PAAF1: variants seen among roughly 807,000 people sequenced by gnomAD.
PAAF1 encodes proteasomal ATPase-associated factor 1.
In PAAF1, 46 loss-of-function variants were observed where a neutral mutation model predicts 52.8. The observed-to-expected ratio is 0.87, with a 90% CI of 0.69 to 1.11. The LOEUF is 1.11. Ranked by LOEUF, PAAF1 falls within the 50% of genes most tolerant of loss-of-function variation. PAAF1 has a pLI of 0.00. For synonymous variants in PAAF1, 178 were observed against 172.8 expected, an observed-to-expected ratio of 1.03 and a Z score of -0.24; for missense variants, 424 against 477.4, an observed-to-expected ratio of 0.89 and a Z score of 1.04.
intron 2 of PAAF1, among the ~76,000 whole-genome samples, chr11:73,881,537 C>T (rs1948908034): frequency 1.3e-5 from 2 of 152,148 alleles, no homozygotes; most frequent in South Asian, 4.2e-4. Context: ...ATCCGCCCGC[C>T]TTGGCCTCCC....
rs1440620782 is a variant in PAAF1, at chr11:73,931,061, ATT to A, written c.*3700_*3701del. The A allele has an allele frequency of 1.3e-5, 2 of 152,158 alleles. No homozygotes were observed. Among genetic ancestry groups the A allele is most frequent in the East Asian group, 3.8e-4 (2 of 5,200 alleles). 9.4% of individuals were successfully genotyped at this position (152,158 alleles called of 1,614,324 possible). ...TCACAATAGGACTTTGTGGCCCATA[ATT>A]ATAAACAAGTATAAATTGTCCATTT... On this transcript the variant is annotated 3_prime_UTR_variant, in exon 12 of 12. Transcript: ENST00000310571.
intron 3 of PAAF1, among the ~76,000 whole-genome samples, chr11:73,890,208 A>G (rs1355951358): frequency 6.6e-6 from 1 of 152,192 alleles, no homozygotes; most frequent in Non-Finnish European, 1.5e-5. Context: ...TATGCTGGTT[A>G]GAGTAAGGGA....
intron 5 of PAAF1, among the ~76,000 whole-genome samples, 164 bp downstream of exon 5, chr11:73,899,408 C>CTTTTTTTTTTTT: frequency 9.9e-6 from 1 of 101,218 alleles, no homozygotes; most frequent in Non-Finnish European, 2.0e-5. Context: ...TTCTTTTTCT[C>CTTTTTTTTTTTT]TTTTTTTTTT....
At chr11:73,910,317 C>T (rs1236499186) in intron 7 of PAAF1, among the ~76,000 whole-genome samples, 1 of 152,112 alleles carries the variant, frequency 6.6e-6, no homozygotes, top group African/African-American at 2.4e-5. Flanking sequence ...AAGAAGTTGG[C>T]TTGAACCTTT....
Position 73,918,935 on chromosome 11 carries a change from TTCTCTGAA to T in PAAF1, c.936-12_936-5del. On this transcript the variant is annotated splice_polypyrimidine_tract_variant and splice_region_variant and intron_variant, in intron 9 of 11. Transcript: ENST00000310571. ...GAAGAAAGAAAGTAAAATTTCCCCT[TTCTCTGAA>T]TCCTAGGGCTCCGGTACAAGTCATC... The T allele has an allele frequency of 6.2e-7, 1 of 1,609,812 alleles. No individual in the cohort carries two copies.
In PAAF1 at chr11:73,898,222, GA is replaced by G. The variant is rs1186958077; in HGVS notation, c.283-923del. 4.8e-5 allele frequency among the ~76,000 whole-genome samples: 5 copies of G among 103,294 alleles called. No homozygotes were observed. The East Asian group carries it at 1.8e-3, about 37-fold the overall frequency. 67.8% of individuals were successfully genotyped at this position (103,294 alleles called of 152,430 possible). ...AGGGAGGGGGAGGGGAAGGGGGAGG[GA>G]GAGGGAGAGGGAGAGGGAGAGGGAG... On this transcript the variant is annotated intron_variant, in intron 4 of 11. Coordinates refer to ENST00000310571, the MANE Select transcript of PAAF1 (RefSeq NM_025155.3).
chr11:73,900,536 C>T (rs1272856683), intron 6 of PAAF1, 116 bp downstream of exon 6: 1 of 1,200,940 alleles, frequency 8.3e-7, no homozygotes, highest in Non-Finnish European at 1.1e-6. Context: ...TCCAGCTGGG[C>T]ATTTAGATGA....
intron 11 of PAAF1, among the ~76,000 whole-genome samples, chr11:73,926,367 GGATTACA>G (rs1950357976): frequency 1.3e-5 from 2 of 152,112 alleles, no homozygotes; most frequent in Non-Finnish European, 2.9e-5. Context: ...CAAAGTGCTC[GGATTACA>G]GGCGTGAGCC....
chr11:73,898,217 GGAGGGA>G (rs751469770), intron 4 of PAAF1, among the ~76,000 whole-genome samples: 14,513 of 133,730 alleles, frequency 0.11, 1,116 homozygotes, highest in East Asian at 0.15. Flanking sequence ...AGGGGAAGGG[GGAGGGA>G]GAGGGAGAGG....
At chr11:73,902,653 A>G (rs1005798321) in intron 6 of PAAF1, among the ~76,000 whole-genome samples, 3 of 140,908 alleles carry the variant, frequency 2.1e-5, no homozygotes, top group Non-Finnish European at 4.6e-5. Flanking sequence ...AAGAATATGT[A>G]TGGACCTTTA....
chr11:73,876,909 T>G, upstream of PAAF1: 1 of 1,107,608 alleles, frequency 9.0e-7, no homozygotes, highest in Non-Finnish European at 1.2e-6. Context: ...AAAAGTCACG[T>G]TTTCATTGGT....
intron 9 of PAAF1, 151 bp downstream of exon 9, chr11:73,916,811 T>C (rs1950077298): frequency 2.0e-6 from 1 of 508,960 alleles, no homozygotes; most frequent in East Asian, 3.1e-5. Flanking sequence ...AATTTTCTGA[T>C]TTTTCTTATT....
chr11:73,929,534 CTG>C lies in PAAF1; in HGVS notation c.*2173_*2174del, dbSNP rs1950426815. On this transcript the variant is annotated 3_prime_UTR_variant, in exon 12 of 12. Transcript: ENST00000310571. ...TATTTGTTTTATTCCGATAAGGAAA[CTG>C]AGACTCAATACATTAAATACCAGAG... 6.6e-6 allele frequency: 1 copy of C among 152,120 alleles called. No individual in the cohort carries two copies. Among genetic ancestry groups the C allele is most frequent in the Admixed American group, 6.6e-5 (1 of 15,262 alleles). 9.4% of individuals were successfully genotyped at this position (152,120 alleles called of 1,614,324 possible).
At chr11:73,904,809 T>C (rs1319847397) in intron 6 of PAAF1, among the ~76,000 whole-genome samples, 2 of 152,258 alleles carry the variant, frequency 1.3e-5, no homozygotes, top group African/African-American at 2.4e-5. Context: ...CAAATATTTA[T>C]TTCAGGAATA....
rs376566257 is a variant in PAAF1, at chr11:73,891,202, G to A, written c.282+1G>A. 15 of 1,513,796 alleles carry A rather than the reference G, an allele frequency of 9.9e-6. No homozygotes were observed. In the Admixed American group the frequency reaches 1.8e-4, roughly 18 times the overall value. The allele number at this position is 1,513,796 out of a possible 1,614,324, so 93.8% of individuals were successfully genotyped here. On this transcript the variant is annotated splice_donor_variant, in intron 4 of 11. Coordinates refer to ENST00000310571, the MANE Select transcript of PAAF1 (RefSeq NM_025155.3). LOFTEE classifies it high-confidence loss of function. ...TTTTTCCAGAATTCATACAAAGAGT[G>A]TAAGTATTTTGATAAAATGAAGAGA...
intron 10 of PAAF1, among the ~76,000 whole-genome samples, chr11:73,923,732 TA>T (rs1384500379): frequency 1.3e-5 from 2 of 152,080 alleles, no homozygotes; most frequent in Non-Finnish European, 2.9e-5. Flanking sequence ...ACTTTTATAT[TA>T]ACAAAAAGAA....
At chr11:73,893,931 C>T (rs1017834490) in intron 4 of PAAF1, among the ~76,000 whole-genome samples, 1 of 151,796 alleles carries the variant, frequency 6.6e-6, no homozygotes, top group African/African-American at 2.4e-5. Context: ...TGGTGATGTA[C>T]ATCTGTAGTC....
chr11:73,901,534 TG>T (rs1949612567), intron 6 of PAAF1, among the ~76,000 whole-genome samples: 2 of 152,156 alleles, frequency 1.3e-5, no homozygotes, highest in South Asian at 4.1e-4. Context: ...CCTCTACTTC[TG>T]GGATTTTTAA....
At chr11:73,889,458 T>TG (rs1447066590) in intron 3 of PAAF1, among the ~76,000 whole-genome samples, 1 of 152,218 alleles carries the variant, frequency 6.6e-6, no homozygotes, top group Admixed American at 6.5e-5. Flanking sequence ...TGATCTCTCT[T>TG]GCAGTTTTTC....
Sources: gnomAD v4.1 joint callset for allele counts (sites outside exome capture counted in the v4.1 genomes callset) on GRCh38, gnomAD v4.1.1 for gene constraint, MANE v1.5 for transcripts, NCBI Gene and HGNC (gene_info 2026-07-23, HGNC 2026-07-21) for gene names.